The following IER5 variants were observed in gnomAD, a reference collection of about 807,000 sequenced individuals.
The protein encoded by IER5 is immediate early response gene 5 protein.
IER5 carries 3 observed loss-of-function variants against 8.2 expected under a neutral mutation model. The observed-to-expected ratio is 0.36, with a 90% confidence interval of 0.17 to 0.94. IER5 has a LOEUF of 0.94. Among genes scored for constraint, IER5 ranks in the 40% least tolerant of loss-of-function variants. IER5 has a pLI of 0.43. For missense variants in IER5, 531 were observed against 494.3 expected (o/e 1.07, Z -0.70); for synonymous variants, 286 against 230.1 (o/e 1.24, Z -2.20).
chr1:181,089,380 G>A lies in IER5; in HGVS notation c.478G>A (p.Gly160Arg), dbSNP rs1287428099. The part of the protein sequence containing the change: ...AAAREAEGTA[G>R]GWGVFPEVSR... Reference sequence around the variant, plus strand: ...GGCCAGAGAAGCCGAGGGTACCGCCGGAGGCTGGGGCGTCTTCCCCGAGGT... The same window carrying A: ...GGCCAGAGAAGCCGAGGGTACCGCCAGAGGCTGGGGCGTCTTCCCCGAGGT... Residue 160 changes from glycine to arginine, a missense_variant, in exon 1 of 1, where the codon GGA (glycine) becomes AGA (arginine). Coordinates refer to ENST00000367577, the MANE Select transcript of IER5 (RefSeq NM_016545.5). 5 of 1,489,016 alleles carry A rather than the reference G, an allele frequency of 3.4e-6. No individual in the cohort carries two copies. In the South Asian group the frequency reaches 3.8e-5, roughly 11 times the overall value. The allele number at this position is 1,489,016 out of a possible 1,614,324, so 92.2% of individuals were successfully genotyped here.
Position 181,089,341 on chromosome 1 carries a change from C to T in IER5, c.439C>T (p.Pro147Ser). ...AGCTGCCTGGAGCCGCGTGGAGGGGCCGCGCCAGGCGGCGGCCAGAGAAGC... is the reference window on the plus strand; with the variant it reads ...AGCTGCCTGGAGCCGCGTGGAGGGGTCGCGCCAGGCGGCGGCCAGAGAAGC... ...TEAAWSRVEGPRQAAAREAEG... is the reference protein window; with the variant it reads ...TEAAWSRVEGSRQAAAREAEG... Residue 147 changes from proline (P) to serine (S), a missense_variant, in exon 1 of 1, where the codon CCG becomes TCG. Physicochemically the swap from Pro to Ser is moderately conservative, Grantham distance 74. Coordinates refer to ENST00000367577, the MANE Select transcript of IER5 (RefSeq NM_016545.5). 6.6e-7 allele frequency: 1 copy of T among 1,524,262 alleles called. No individual in the cohort carries two copies. The highest frequency in any genetic ancestry group is 2.1e-5 in the Admixed American group (1 of 47,620). The allele number at this position is 1,524,262 out of a possible 1,614,324, so 94.4% of individuals were successfully genotyped here.
chr1:181,090,143 G>A lies in IER5; in HGVS notation c.*257G>A, dbSNP rs1659435939. 2.7e-5 allele frequency: 15 copies of A among 555,928 alleles called. No homozygotes were observed. Among genetic ancestry groups the A allele is most frequent in the South Asian group, 2.7e-4 (11 of 40,808 alleles). The allele number at this position is 555,928 out of a possible 1,614,324, so 34.4% of individuals were successfully genotyped here. On this transcript the variant is annotated 3_prime_UTR_variant, in exon 1 of 1. Transcript: ENST00000367577. ...TCTGTGTATGTAAGTTTGTCTTGTG[G>A]CATTAAGACTATTTTGCTCTTCTGG...
rs61809229 is a variant in IER5, at chr1:181,089,055, G to T, written c.153G>T (p.Pro51=). 5.8e-3 allele frequency: 9,307 copies of T among 1,604,382 alleles called. 51 individuals carry two copies. Among genetic ancestry groups the T allele is most frequent in the Middle Eastern group, 0.019 (106 of 5,584 alleles). The part of the protein sequence containing the change: ...RSARQVYLSD[P]CPGLYLAGPA... ...CCCGCCAAGTCTACCTGAGCGACCC[G>T]TGCCCCGGCCTCTACCTGGCCGGTC... Residue 51 remains proline (P), a synonymous_variant, in exon 1 of 1, where the codon CCG becomes CCT. Coordinates refer to ENST00000367577, the MANE Select transcript of IER5 (RefSeq NM_016545.5).
rs1230706550 is a variant in IER5 at position 181,090,072 on chromosome 1, A to C, written c.*186A>C. 7.1e-5 allele frequency: 48 copies of C among 679,466 alleles called. No homozygotes were observed. In the East Asian group the frequency reaches 1.3e-3, roughly 18 times the overall value. 42.1% of individuals were successfully genotyped at this position (679,466 alleles called of 1,614,324 possible). The stretch of plus-strand genomic sequence containing the variant: ...GCTTATCTGGAGACCTGGGAGCTTG[A>C]GGCTCATTGGAAGAGGACGATCGTT... On this transcript the variant is annotated 3_prime_UTR_variant, in exon 1 of 1. Transcript: ENST00000367577.
chr1:181,090,001 A>G lies in IER5; in HGVS notation c.*115A>G, dbSNP rs1659432755. ...ACCGCGGGCGCTGAGCGCGTTGGGC[A>G]GACTGGTTGCCTCTGGGCATCGCAA... On this transcript the variant is annotated 3_prime_UTR_variant, in exon 1 of 1. Transcript: ENST00000367577. 7.2e-7 allele frequency: 1 copy of G among 1,384,392 alleles called. No individual in the cohort carries two copies. Among genetic ancestry groups the G allele is most frequent in the South Asian group, 1.3e-5 (1 of 75,362 alleles). The allele number at this position is 1,384,392 out of a possible 1,614,324, so 85.8% of individuals were successfully genotyped here.
Position 181,089,750 on chromosome 1 carries a change from A to G in IER5, c.848A>G (p.Lys283Arg), listed in dbSNP as rs778986076. The stretch of plus-strand genomic sequence containing the variant: ...TCCAGTTTCTCGGGACTCCTACGGA[A>G]AAGCCCCGGGGGCGGCAGAGAGGAA... ...FGSSFSGLLR[K>R]SPGGGREEEE... The change falls in exon 1 of 1, where the codon AAA becomes AGA. Residue 283 changes from lysine (K) to arginine (R), a missense_variant. Transcript: ENST00000367577. 21 of 1,613,924 alleles carry G rather than the reference A, an allele frequency of 1.3e-5. No homozygotes were observed. In the South Asian group the frequency reaches 1.5e-4, roughly 12 times the overall value.
chr1:181,091,086 A>G lies in IER5; in HGVS notation c.*1200A>G, dbSNP rs1197317685. ...CAGGTTCTAGAAACCTGCCACTACA[A>G]CTGCCTTTTCTAAGGTCAGTTTAGA... On this transcript the variant is annotated 3_prime_UTR_variant, in exon 1 of 1. Transcript: ENST00000367577. 1 of 152,130 alleles carries G rather than the reference A, an allele frequency of 6.6e-6. No individual in the cohort carries two copies. Among genetic ancestry groups the G allele is most frequent in the African/African-American group, 2.4e-5 (1 of 41,418 alleles). 9.4% of individuals were successfully genotyped at this position (152,130 alleles called of 1,614,324 possible).
At position 181,089,823 on chromosome 1, in the gene IER5, C is replaced by G. The variant is rs752788951; in HGVS notation, c.921C>G (p.Ile307Met). ...SGPEAAEPGQICCDKPVLRDM... is the reference protein window; with the variant it reads ...SGPEAAEPGQMCCDKPVLRDM... ...CGGAAGCCGCCGAGCCCGGGCAGAT[C>G]TGCTGCGATAAGCCGGTGCTGAGAG... Residue 307 changes from isoleucine to methionine, a missense_variant, in exon 1 of 1, where the codon ATC (isoleucine) becomes ATG (methionine). Physicochemically the swap from Ile to Met is conservative, Grantham distance 10. Coordinates refer to ENST00000367577, the MANE Select transcript of IER5 (RefSeq NM_016545.5). The G allele has an allele frequency of 1.2e-6, 2 of 1,613,802 alleles. No homozygotes were observed. Among genetic ancestry groups the G allele is most frequent in the South Asian group, 1.1e-5 (1 of 91,042 alleles).
rs1406411798 is a variant in IER5, at chr1:181,092,825, A to G, written c.*2939A>G. On this transcript the variant is annotated 3_prime_UTR_variant, in exon 1 of 1. Coordinates refer to ENST00000367577, the MANE Select transcript of IER5 (RefSeq NM_016545.5). The stretch of plus-strand genomic sequence containing the variant: ...ATGTAGAAGTTAATTCTGTGTATAA[A>G]TCAGATACACTGTGGTCAAAGATTT... 1 of 152,244 alleles carries G rather than the reference A, an allele frequency of 6.6e-6. No individual in the cohort carries two copies. Among genetic ancestry groups the G allele is most frequent in the Non-Finnish European group, 1.5e-5 (1 of 68,052 alleles). The allele number at this position is 152,244 out of a possible 1,614,324, so 9.4% of individuals were successfully genotyped here.
chr1:181,089,964 G>A lies in IER5; in HGVS notation c.*78G>A. The A allele has an allele frequency of 2.6e-6, 4 of 1,544,612 alleles. No homozygotes were observed. The highest frequency in any genetic ancestry group is 3.5e-6 in the Non-Finnish European group (4 of 1,147,052). ...AGGGCCAGGCCCTTCCCGGCTGCGA[G>A]GACGCCCAGAGACCGCGGGCGCTGA... On this transcript the variant is annotated 3_prime_UTR_variant, in exon 1 of 1. Coordinates refer to ENST00000367577, the MANE Select transcript of IER5 (RefSeq NM_016545.5).
In IER5 at chr1:181,089,896, C is replaced by G; in HGVS notation, c.*10C>G. On this transcript the variant is annotated 3_prime_UTR_variant, in exon 1 of 1. Coordinates refer to ENST00000367577, the MANE Select transcript of IER5 (RefSeq NM_016545.5). ...CATCGTGGCCTTCTGAGCCCTTGGC[C>G]CCCCTGCGGGGAGGAGGTGGAGCAG... is the stretch of plus-strand genomic sequence containing the variant. The G allele has an allele frequency of 1.2e-6, 2 of 1,609,744 alleles. No individual in the cohort carries two copies. The highest frequency in any genetic ancestry group is 1.7e-6 in the Non-Finnish European group (2 of 1,179,118).
Position 181,090,149 on chromosome 1 carries a change from A to C in IER5, c.*263A>C, listed in dbSNP as rs1558134999. On this transcript the variant is annotated 3_prime_UTR_variant, in exon 1 of 1. Transcript: ENST00000367577. Reference sequence around the variant, plus strand: ...TATGTAAGTTTGTCTTGTGGCATTAAGACTATTTTGCTCTTCTGGAATGCA... The same window carrying C: ...TATGTAAGTTTGTCTTGTGGCATTACGACTATTTTGCTCTTCTGGAATGCA... 1.8e-6 allele frequency: 1 copy of C among 544,200 alleles called. No homozygotes were observed. The highest frequency in any genetic ancestry group is 3.3e-6 in the Non-Finnish European group (1 of 302,038). 33.7% of individuals were successfully genotyped at this position (544,200 alleles called of 1,614,324 possible).
rs776949300 is a variant in IER5, at chr1:181,088,869, C to G, written c.-34C>G. ...TCCCTCCCAATTTCCAAACGTGTCA[C>G]CCCGGCGCCGACGGCCCTGTGCAGG... On this transcript the variant is annotated 5_prime_UTR_variant, in exon 1 of 1. Transcript: ENST00000367577. The G allele has an allele frequency of 4.4e-6, 7 of 1,588,478 alleles. No homozygotes were observed. Among genetic ancestry groups the G allele is most frequent in the South Asian group, 1.1e-5 (1 of 90,242 alleles).
Position 181,089,943 on chromosome 1 carries a change from C to A in IER5, c.*57C>A. On this transcript the variant is annotated 3_prime_UTR_variant, in exon 1 of 1. Coordinates refer to ENST00000367577, the MANE Select transcript of IER5 (RefSeq NM_016545.5). The stretch of plus-strand genomic sequence containing the variant: ...GCAGCGGGCGTCCCCGAAGTGAGGG[C>A]CAGGCCCTTCCCGGCTGCGAGGACG... The A allele has an allele frequency of 6.4e-7, 1 of 1,572,320 alleles. No homozygotes were observed. Among genetic ancestry groups the A allele is most frequent in the Admixed American group, 2.0e-5 (1 of 49,810 alleles).
At position 181,088,801 on chromosome 1, in the gene IER5, A is replaced by T; in HGVS notation, c.-102A>T. 2.6e-4 allele frequency: 155 copies of T among 591,024 alleles called. No homozygotes were observed. Among genetic ancestry groups the T allele is most frequent in the Middle Eastern group, 1.2e-3 (4 of 3,286 alleles). The allele number at this position is 591,024 out of a possible 1,614,324, so 36.6% of individuals were successfully genotyped here. On this transcript the variant is annotated 5_prime_UTR_variant, in exon 1 of 1. Coordinates refer to ENST00000367577, the MANE Select transcript of IER5 (RefSeq NM_016545.5). The stretch of plus-strand genomic sequence containing the variant: ...TCGTTTCTCTTCGGAGTCTTAGGTG[A>T]TCGAGGGTGTGCCCAGGGGGCGGAC...
rs1208692585 is a variant in IER5 at position 181,089,937 on chromosome 1, T to G, written c.*51T>G. ...GGTGGAGCAGCGGGCGTCCCCGAAG[T>G]GAGGGCCAGGCCCTTCCCGGCTGCG... On this transcript the variant is annotated 3_prime_UTR_variant, in exon 1 of 1. Transcript: ENST00000367577. 4.4e-6 allele frequency: 7 copies of G among 1,589,944 alleles called. No homozygotes were observed. In the Admixed American group the frequency reaches 1.1e-4, roughly 25 times the overall value.
In IER5 at chr1:181,092,211, G is replaced by C. The variant is rs1390098268; in HGVS notation, c.*2325G>C. 6.6e-6 allele frequency: 1 copy of C among 151,688 alleles called. No homozygotes were observed. The highest frequency in any genetic ancestry group is 1.5e-5 in the Non-Finnish European group (1 of 67,966). The allele number at this position is 151,688 out of a possible 1,614,324, so 9.4% of individuals were successfully genotyped here. ...TCAGTGTATTTTATGTTTTAAAGGG[G>C]GTAACGTTTGGTGTGTTTAAGAGAG... On this transcript the variant is annotated 3_prime_UTR_variant, in exon 1 of 1. Transcript: ENST00000367577.
rs899761268 is a variant in IER5 at position 181,091,558 on chromosome 1, T to A, written c.*1672T>A. On this transcript the variant is annotated 3_prime_UTR_variant, in exon 1 of 1. Coordinates refer to ENST00000367577, the MANE Select transcript of IER5 (RefSeq NM_016545.5). ...TCAGTGTTTGGTCATGGTAGACACT[T>A]AGGTGATGATAGCCAAAACATCCAT... The A allele has an allele frequency of 6.6e-6, 1 of 152,250 alleles. No homozygotes were observed. Among genetic ancestry groups the A allele is most frequent in the Non-Finnish European group, 1.5e-5 (1 of 68,036 alleles). 9.4% of individuals were successfully genotyped at this position (152,250 alleles called of 1,614,324 possible). A position where few individuals can be genotyped will look rare whatever the true frequency, so the allele number is the denominator to read the frequency against.
rs1192757145 is a variant in IER5 at position 181,091,098 on chromosome 1, A to C, written c.*1212A>C. 1 of 152,212 alleles carries C rather than the reference A, an allele frequency of 6.6e-6. No homozygotes were observed. The highest frequency in any genetic ancestry group is 1.5e-5 in the Non-Finnish European group (1 of 68,044). 9.4% of individuals were successfully genotyped at this position (152,212 alleles called of 1,614,324 possible). On this transcript the variant is annotated 3_prime_UTR_variant, in exon 1 of 1. Transcript: ENST00000367577. ...ACCTGCCACTACAACTGCCTTTTCT[A>C]AGGTCAGTTTAGACCAATTTGTCAC...
Sources: allele counts gnomAD v4.1 joint callset, GRCh38; gene constraint gnomAD v4.1.1; transcripts MANE v1.5; gene names NCBI Gene and HGNC (gene_info 2026-07-23, HGNC 2026-07-21).